Variants in ZNF184 observed in about 807,000 individuals in gnomAD.
ZNF184 encodes zinc finger protein 184, also known as zinc finger protein 184 (Kruppel-like).
ZNF184 carries 16 observed loss-of-function variants against 54.4 expected under a neutral mutation model. The observed-to-expected ratio is 0.29, with a 90% confidence interval of 0.20 to 0.45. The LOEUF (loss-of-function observed/expected upper bound fraction) is 0.45. ZNF184 is among the 20% of genes least tolerant of loss of function. The probability of loss-of-function intolerance (pLI) is 1.00; values close to 1 mark genes in which losing one functional copy is unlikely to be tolerated. For synonymous variants in ZNF184, 254 were observed against 295.3 expected, an observed-to-expected ratio of 0.86 and a Z score of 1.43; for missense variants, 681 against 888.2, an observed-to-expected ratio of 0.77 and a Z score of 2.97.
chr6:27,464,901 T>C (rs949288951), intron 3 of ZNF184, among the ~76,000 whole-genome samples: 10 of 149,578 alleles, frequency 6.7e-5, no homozygotes, highest in African/African-American at 2.5e-4. Flanking sequence ...CCAGTAGTCC[T>C]AGCTACTGGA....
chr6:27,451,424 T>C lies in ZNF184; in HGVS notation c.2135A>G (p.Tyr712Cys). 6.2e-7 allele frequency: 1 copy of C among 1,614,178 alleles called. No homozygotes were observed. Among genetic ancestry groups the C allele is most frequent in the Non-Finnish European group, 8.5e-7 (1 of 1,180,004 alleles). ...ATGAATTCTCTGGTGCTGAATGAGA[T>C]ATGTGCTCTGGCTAAAAGTCTTTCT... ...ECRKTFSQSTYLIQHQRIHSG... is the reference protein window; with the variant it reads ...ECRKTFSQSTCLIQHQRIHSG... The change falls in exon 6 of 6, where the codon TAT (tyrosine) becomes TGT (cysteine). Residue 712 changes from tyrosine (Y) to cysteine (C), a missense_variant. Transcript: ENST00000683788.
chr6:27,451,698 T>A lies in ZNF184; in HGVS notation c.1861A>T (p.Lys621Ter). ...AGAGATGAACAATGTCGAAAGGCTT[T>A]ACCACACTCAGCACACTCATAAGGC... The part of the protein sequence containing the change: ...AKPYECAECG[K>*]AFRHCSSLAQ... The change falls in exon 6 of 6, where the codon AAA (lysine) becomes TAA (stop). Residue 621 changes from lysine (K) to a stop codon, truncating the protein, a stop_gained. Coordinates refer to ENST00000683788, the MANE Select transcript of ZNF184 (RefSeq NM_001318891.2). LOFTEE classifies it low-confidence loss of function (END_TRUNC). The A allele has an allele frequency of 6.2e-7, 1 of 1,614,084 alleles. No individual in the cohort carries two copies. Among genetic ancestry groups the A allele is most frequent in the Non-Finnish European group, 8.5e-7 (1 of 1,179,990 alleles).
At chr6:27,435,741 C>G in the ZNF184 span, among the ~76,000 whole-genome samples, 6 of 152,160 alleles carry the variant, frequency 3.9e-5, no homozygotes, top group African/African-American at 1.2e-4. Context: ...TTAAACCCAT[C>G]AGTTAAAACT....
Position 27,453,299 on chromosome 6 carries a change from G to A in ZNF184, c.299-39C>T. On this transcript the variant is annotated intron_variant, in intron 5 of 5. Coordinates refer to ENST00000683788, the MANE Select transcript of ZNF184 (RefSeq NM_001318891.2). The surrounding 1 kb of genome is among the most constrained non-coding windows in gnomAD (Gnocchi z 4.7). ...AAAATTCCAGTGTTCTCTGAATAGAGAAAAAATAAACTGCTATTGTGGGAA... is the reference window on the plus strand; with the variant it reads ...AAAATTCCAGTGTTCTCTGAATAGAAAAAAAATAAACTGCTATTGTGGGAA... 6.6e-7 allele frequency: 1 copy of A among 1,516,082 alleles called. No individual in the cohort carries two copies. Among genetic ancestry groups the A allele is most frequent in the Admixed American group, 2.3e-5 (1 of 42,564 alleles). The allele number at this position is 1,516,082 out of a possible 1,614,324, so 93.9% of individuals were successfully genotyped here. A position where few individuals can be genotyped will look rare whatever the true frequency, so the allele number is the denominator to read the frequency against.
chr6:27,436,536 A>G, the ZNF184 span, among the ~76,000 whole-genome samples: 195 of 152,312 alleles, frequency 1.3e-3, 1 homozygote, highest in African/African-American at 4.6e-3. Context: ...GAAGGCGATC[A>G]TGTAATTTTT....
At chr6:27,426,310 T>C in the ZNF184 span, among the ~76,000 whole-genome samples, 1 of 152,210 alleles carries the variant, frequency 6.6e-6, no homozygotes, top group Non-Finnish European at 1.5e-5. This position sits in a 1 kb window ranked among gnomAD's most constrained non-coding sequence, Gnocchi z 4.2. Context: ...CCCTGGGATC[T>C]GGCAGGCAGG....
At chr6:27,436,312 C>T in the ZNF184 span, among the ~76,000 whole-genome samples, 7 of 152,182 alleles carry the variant, frequency 4.6e-5, no homozygotes, top group Admixed American at 6.5e-5. Flanking sequence ...TACAGGCACA[C>T]GCCACCACCC....
the ZNF184 span, among the ~76,000 whole-genome samples, chr6:27,414,904 T>G: frequency 4.6e-5 from 7 of 152,112 alleles, no homozygotes; most frequent in African/African-American, 1.4e-4. Flanking sequence ...ACAGGAAAAT[T>G]ACCTAAAACA....
chr6:27,435,577 T>A, the ZNF184 span, among the ~76,000 whole-genome samples: 1 of 152,198 alleles, frequency 6.6e-6, no homozygotes, highest in South Asian at 2.1e-4. Flanking sequence ...AATCAAGCCA[T>A]CTTCAAACAG....
intron 3 of ZNF184, among the ~76,000 whole-genome samples, chr6:27,463,186 T>C (rs1276496645): frequency 4.1e-4 from 60 of 147,994 alleles, no homozygotes; most frequent in African/African-American, 1.4e-3. Flanking sequence ...AATGACGAGT[T>C]AATGGGTGCA....
the ZNF184 span, among the ~76,000 whole-genome samples, chr6:27,439,413 A>G: frequency 6.6e-6 from 1 of 152,250 alleles, no homozygotes; most frequent in African/African-American, 2.4e-5. Flanking sequence ...CGGGACATGA[A>G]TGTATTTGTC....
the ZNF184 span, among the ~76,000 whole-genome samples, chr6:27,423,665 G>C: frequency 6.7e-6 from 1 of 149,732 alleles, no homozygotes; most frequent in Non-Finnish European, 1.5e-5. Context: ...ACACCGCTCA[G>C]ATCATCCCTG....
At chr6:27,445,713 T>G in the ZNF184 span, among the ~76,000 whole-genome samples, 1 of 28,008 alleles carries the variant, frequency 3.6e-5, no homozygotes, top group Admixed American at 3.9e-4. Flanking sequence ...TGTGGTATTC[T>G]GTTATAGCAA....
chr6:27,440,964 C>A, the ZNF184 span, among the ~76,000 whole-genome samples: 1 of 152,064 alleles, frequency 6.6e-6, no homozygotes, highest in African/African-American at 2.4e-5. Flanking sequence ...GAGATCGCGC[C>A]ACTGCACTCC....
At position 27,455,840 on chromosome 6, in the gene ZNF184, C is replaced by T. The variant is rs559311081; in HGVS notation, c.298+986G>A. ...ATTAACTCTAGAGACGTATCGCTTA[C>T]CTAGAATGACTAGGTTTGTTTGTTT... is the stretch of plus-strand genomic sequence containing the variant. On this transcript the variant is annotated intron_variant, in intron 5 of 5. Coordinates refer to ENST00000683788, the MANE Select transcript of ZNF184 (RefSeq NM_001318891.2). 2.6e-5 allele frequency among the ~76,000 whole-genome samples: 4 copies of T among 152,286 alleles called. No homozygotes were observed. In the South Asian group the frequency reaches 8.3e-4, roughly 32 times the overall value.
the ZNF184 span, among the ~76,000 whole-genome samples, chr6:27,423,078 T>C: frequency 6.6e-6 from 1 of 152,232 alleles, no homozygotes; most frequent in East Asian, 1.9e-4. Context: ...CGTCCTCCTC[T>C]TTGCGCTGCC....
chr6:27,415,498 G>T, the ZNF184 span, among the ~76,000 whole-genome samples: 1 of 152,156 alleles, frequency 6.6e-6, no homozygotes, highest in African/African-American at 2.4e-5. Flanking sequence ...AGAATTATTG[G>T]TATAAGAGTT....
chr6:27,411,865 C>T, the ZNF184 span, among the ~76,000 whole-genome samples: 4 of 152,210 alleles, frequency 2.6e-5, no homozygotes, highest in Non-Finnish European at 4.4e-5. Flanking sequence ...GGAGGCCAGC[C>T]GCCCTCCCTC....
chr6:27,466,534 G>T (rs1226094105), intron 3 of ZNF184, among the ~76,000 whole-genome samples: 1 of 152,100 alleles, frequency 6.6e-6, no homozygotes, highest in Non-Finnish European at 1.5e-5. Context: ...AAGGATTCAA[G>T]TCACACAAGG....
Sources: gnomAD v4.1 joint callset for allele counts (sites outside exome capture counted in the v4.1 genomes callset) on GRCh38, gnomAD v4.1.1 for gene constraint, Gnocchi (gnomAD v3.1) non-coding constraint, MANE v1.5 for transcripts, NCBI Gene and HGNC (gene_info 2026-07-23, HGNC 2026-07-21) for gene names.